The following TMEM98 variants were observed in gnomAD, a reference collection of about 807,000 sequenced individuals.
TMEM98 encodes transmembrane protein 98.
A neutral mutation model predicts 25.0 loss-of-function variants in TMEM98; 18 were observed. That is an observed-to-expected ratio of 0.72 (90% confidence interval 0.50 to 1.07). The LOEUF (loss-of-function observed/expected upper bound fraction) is 1.07, where lower values mean the gene tolerates loss of function less well. TMEM98 is among the 50% of genes least tolerant of loss of function. TMEM98 has a pLI of 0.00. For missense variants in TMEM98, 241 were observed against 289.0 expected (o/e 0.83, Z 1.20); for synonymous variants, 103 against 112.4 (o/e 0.92, Z 0.53).
At chr17:32,936,474 C>T in intron 6 of TMEM98, 27 bp downstream of exon 6, 1 of 1,594,656 alleles carries the variant, frequency 6.3e-7, no homozygotes, top group Non-Finnish European at 8.6e-7. Flanking sequence ...TTCGAGGTCC[C>T]CACACTCCCT....
At chr17:32,933,095 T>C in intron 3 of TMEM98, 79 bp from the exon 4 acceptor site, 3 of 1,568,942 alleles carry the variant, frequency 1.9e-6, no homozygotes, top group South Asian at 2.4e-5. Context: ...TCTTTTATGG[T>C]GTATGTGGGC....
rs2091539285 is a variant in TMEM98 at position 32,943,175 on chromosome 17, G to A, written c.*2182G>A. The A allele has an allele frequency of 6.6e-6, 1 of 152,324 alleles. No individual in the cohort carries two copies. Among genetic ancestry groups the A allele is most frequent in the Admixed American group, 6.5e-5 (1 of 15,280 alleles). The allele number at this position is 152,324 out of a possible 1,614,324, so 9.4% of individuals were successfully genotyped here. ...GGAGAGGTTGCCGAAGATATTGGAG[G>A]TGTCTGCTGGACTGTAGGATTTCTG... On this transcript the variant is annotated 3_prime_UTR_variant, in exon 8 of 8. Coordinates refer to ENST00000579849, the MANE Select transcript of TMEM98 (RefSeq NM_015544.3).
intron 3 of TMEM98, 112 bp downstream of exon 3, chr17:32,931,771 T>C: frequency 7.2e-7 from 1 of 1,396,520 alleles, no homozygotes; most frequent in Non-Finnish European, 9.6e-7. Context: ...GGTTCTAAAA[T>C]GGTACCTGCA....
At chr17:32,930,782 G>A (rs1390597561) in intron 1 of TMEM98, 2 of 152,230 alleles carry the variant, frequency 1.3e-5, no homozygotes, top group Admixed American at 6.5e-5. Flanking sequence ...AGAACCTGGT[G>A]CAGAGTAGAT....
chr17:32,942,813 A>T lies in TMEM98; in HGVS notation c.*1820A>T, dbSNP rs1443005878. 6.6e-6 allele frequency: 1 copy of T among 152,228 alleles called. No homozygotes were observed. Among genetic ancestry groups the T allele is most frequent in the Non-Finnish European group, 1.5e-5 (1 of 68,036 alleles). The allele number at this position is 152,228 out of a possible 1,614,324, so 9.4% of individuals were successfully genotyped here. ...TTTGACTTTTCTATTTGAGGCCTCC[A>T]CAGTAAACATCCAGAGTCATCCTAT... is the stretch of plus-strand genomic sequence containing the variant. On this transcript the variant is annotated 3_prime_UTR_variant, in exon 8 of 8. Transcript: ENST00000579849.
At position 32,944,272 on chromosome 17, in the gene TMEM98, ATCC is replaced by A. The variant is rs1175909758; in HGVS notation, c.*3285_*3287del. On this transcript the variant is annotated 3_prime_UTR_variant, in exon 8 of 8. Transcript: ENST00000579849. ...GGAAAGTGTCAGATGAAGAATTTCTATCCTCCTCACCTCCTCCCTGTCTCCAAT... is the reference window on the plus strand; with the variant it reads ...GGAAAGTGTCAGATGAAGAATTTCTATCCTCACCTCCTCCCTGTCTCCAAT... 2.0e-5 allele frequency: 3 copies of A among 152,356 alleles called. No individual in the cohort carries two copies. Among genetic ancestry groups the A allele is most frequent in the Admixed American group, 6.5e-5 (1 of 15,300 alleles). 9.4% of individuals were successfully genotyped at this position (152,356 alleles called of 1,614,324 possible).
chr17:32,940,372 G>A (rs1015976974), intron 7 of TMEM98, among the ~76,000 whole-genome samples: 1 of 152,148 alleles, frequency 6.6e-6, no homozygotes, highest in African/African-American at 2.4e-5. Flanking sequence ...GTTTAAGTGA[G>A]GGTGTGTCTG....
intron 7 of TMEM98, 53 bp downstream of exon 7, chr17:32,939,589 G>A (rs2091517759): frequency 1.2e-6 from 2 of 1,604,320 alleles, no homozygotes; most frequent in Non-Finnish European, 8.5e-7. Flanking sequence ...GTCCACAACC[G>A]TTTTATCAGA....
At position 32,941,317 on chromosome 17, in the gene TMEM98, A is replaced by C. The variant is rs11080195; in HGVS notation, c.*324A>C. On this transcript the variant is annotated 3_prime_UTR_variant, in exon 8 of 8. Coordinates refer to ENST00000579849, the MANE Select transcript of TMEM98 (RefSeq NM_015544.3). ...AAATTGAGCCACCGTCTAAGAAATC[A>C]AGAGGTTTCACATTAAAATTAGAAT... The C allele has an allele frequency of 0.036, 6,973 of 195,946 alleles. 156 individuals are homozygous for C. Among genetic ancestry groups the C allele is most frequent in the East Asian group, 0.099 (773 of 7,830 alleles). The allele number at this position is 195,946 out of a possible 1,614,324, so 12.1% of individuals were successfully genotyped here.
intron 4 of TMEM98, among the ~76,000 whole-genome samples, chr17:32,933,861 A>G (rs1256252329): frequency 6.6e-6 from 1 of 152,216 alleles, no homozygotes; most frequent in African/African-American, 2.4e-5. Flanking sequence ...CACATGGAGA[A>G]GGCAGTGTCT....
chr17:32,934,479 C>T (rs549161703), intron 5 of TMEM98, 155 bp downstream of exon 5: 2 of 718,228 alleles, frequency 2.8e-6, no homozygotes, highest in Admixed American at 5.2e-5. Context: ...TACTTCCCCC[C>T]CTGCCTGGAC....
At chr17:32,935,691 G>A (rs926940398) in intron 5 of TMEM98, among the ~76,000 whole-genome samples, 30 of 152,186 alleles carry the variant, frequency 2.0e-4, no homozygotes, top group African/African-American at 6.5e-4. Flanking sequence ...GGATAGAGGC[G>A]CACCCATGTT....
At chr17:32,928,484 G>T (rs1229997128) in intron 1 of TMEM98, among the ~76,000 whole-genome samples, 1 of 151,642 alleles carries the variant, frequency 6.6e-6, no homozygotes, top group Non-Finnish European at 1.5e-5. Flanking sequence ...GGGCGTCCTG[G>T]GTGGACGAGC....
intron 4 of TMEM98, 151 bp from the exon 5 acceptor site, chr17:32,934,140 C>T (rs2091483663): frequency 1.3e-6 from 1 of 772,592 alleles, no homozygotes; most frequent in Non-Finnish European, 2.2e-6. Context: ...AACTCATGGG[C>T]TGGTTCATGT....
chr17:32,939,617 C>G, intron 7 of TMEM98, 81 bp downstream of exon 7: 1 of 1,570,440 alleles, frequency 6.4e-7, no homozygotes, highest in Non-Finnish European at 8.7e-7. Context: ...GGCTGGCTGA[C>G]TGGCTTGTGT....
chr17:32,931,298 G>A (rs2091467617), intron 1 of TMEM98, 29 bp from the exon 2 acceptor site: 2 of 448,926 alleles, frequency 4.5e-6, no homozygotes, highest in Admixed American at 8.1e-5. Context: ...TTTGGGGCAT[G>A]GCATAAATTT....
chr17:32,939,640 T>C, intron 7 of TMEM98, 104 bp downstream of exon 7: 2 of 1,436,880 alleles, frequency 1.4e-6, no homozygotes, highest in Non-Finnish European at 1.9e-6. Context: ...GGAGGGTGGC[T>C]TTGCAGCCTC....
chr17:32,932,817 T>G (rs1180422721), intron 3 of TMEM98, among the ~76,000 whole-genome samples: 1 of 152,234 alleles, frequency 6.6e-6, no homozygotes, highest in East Asian at 1.9e-4. Context: ...CTGTAAAATG[T>G]AGGATTAAAG....
intron 5 of TMEM98, among the ~76,000 whole-genome samples, chr17:32,934,852 A>G (rs1166982970): frequency 6.6e-6 from 1 of 152,150 alleles, no homozygotes; most frequent in Non-Finnish European, 1.5e-5. Flanking sequence ...AAGGCAGAGG[A>G]TTTTTTCTTT....
Sources: gnomAD v4.1 joint callset for allele counts (sites outside exome capture counted in the v4.1 genomes callset) on GRCh38, gnomAD v4.1.1 for gene constraint, MANE v1.5 for transcripts, NCBI Gene and HGNC (gene_info 2026-07-23, HGNC 2026-07-21) for gene names.